The following NLE1 variants were observed in gnomAD, a reference collection of about 807,000 sequenced individuals.
NLE1 encodes notchless homolog 1.
NLE1 carries 37 observed loss-of-function variants against 62.8 expected under a neutral mutation model. The observed-to-expected ratio is 0.59, with a 90% CI of 0.45 to 0.78. The LOEUF (loss-of-function observed/expected upper bound fraction) is 0.78, where lower values mean the gene tolerates loss of function less well. Ranked by LOEUF, NLE1 falls within the 30% of genes least tolerant of loss-of-function variation. The pLI, the probability that NLE1 is intolerant of heterozygous loss-of-function variation, is 0.00. For missense variants in NLE1, 555 were observed against 637.9 expected, an observed-to-expected ratio of 0.87 and a Z score of 1.40; for synonymous variants, 243 against 253.0, an observed-to-expected ratio of 0.96 and a Z score of 0.37.
rs199557933 is a variant in NLE1, at chr17:35,135,363, C to T, written c.1100G>A (p.Arg367Gln). Residue 367 changes from arginine (R) to glutamine (Q), a missense_variant, in exon 10 of 13, where the codon CGG becomes CAG. Physicochemically the swap from Arg to Gln is conservative, Grantham distance 43. Coordinates refer to ENST00000442241, the MANE Select transcript of NLE1 (RefSeq NM_018096.5). The part of the protein sequence containing the change: ...SPAEDKKPLT[R>Q]MTGHQALINQ... ...GATGAGAGCTTGGTGTCCTGTCATC[C>T]GAGTGAGAGGCTTTTTGTCCTCTGC... 123 of 1,614,072 alleles carry T rather than the reference C, an allele frequency of 7.6e-5. No individual in the cohort carries two copies. The highest frequency in any genetic ancestry group is 1.6e-4 in the Middle Eastern group (1 of 6,084).
At position 35,137,601 on chromosome 17, in the gene NLE1, T is replaced by C; in HGVS notation, c.577A>G (p.Arg193Gly). 3 of 1,610,864 alleles carry C rather than the reference T, an allele frequency of 1.9e-6. No homozygotes were observed. The highest frequency in any genetic ancestry group is 2.5e-6 in the Non-Finnish European group (3 of 1,179,978). The change falls in exon 6 of 13, where the codon AGG becomes GGG. Residue 193 changes from arginine to glycine, a missense_variant. Physicochemically the swap from Arg to Gly is moderately radical, Grantham distance 125 (BLOSUM62 -2). Transcript: ENST00000442241. ...CACTTGCTGTGGCCAGCGAGGGTCC[T>C]GCCCACCTGCTTCCCTGTGCTTGGG... ...WDPSTGKQVG[R>G]TLAGHSKWIT...
Position 35,129,712 on chromosome 17 carries a change from G to A in NLE1, c.*2725C>T. The A allele has an allele frequency of 2.5e-6, 4 of 1,583,796 alleles. No individual in the cohort carries two copies. Among genetic ancestry groups the A allele is most frequent in the Non-Finnish European group, 3.4e-6 (4 of 1,165,594 alleles). ...GGGTGGAGAGAAGTCCAAAGCCAGGGAACCAGGGCTTTGGAGGTTGGGAAC... is the reference window on the plus strand; with the variant it reads ...GGGTGGAGAGAAGTCCAAAGCCAGGAAACCAGGGCTTTGGAGGTTGGGAAC... On this transcript the variant is annotated 3_prime_UTR_variant, in exon 13 of 13. Coordinates refer to ENST00000442241, the MANE Select transcript of NLE1 (RefSeq NM_018096.5).
chr17:35,135,340 T>C lies in NLE1; in HGVS notation c.1123A>G (p.Ile375Val). 5.0e-6 allele frequency: 8 copies of C among 1,614,214 alleles called. No homozygotes were observed. The highest frequency in any genetic ancestry group is 5.9e-6 in the Non-Finnish European group (7 of 1,180,044). The change falls in exon 10 of 13, where the codon ATC (isoleucine) becomes GTC (valine). Residue 375 changes from isoleucine to valine, a missense_variant. Physicochemically the swap from Ile to Val is conservative, Grantham distance 29. Coordinates refer to ENST00000442241, the MANE Select transcript of NLE1 (RefSeq NM_018096.5). ...TCAGGAGAGAAGAGCACCTGGTTGA[T>C]GAGAGCTTGGTGTCCTGTCATCCGA... ...LTRMTGHQAL[I>V]NQVLFSPDSR... is the part of the protein sequence containing the mutation.
intron 9 of NLE1, 64 bp downstream of exon 9, chr17:35,136,105 G>A (rs1045884365): frequency 7.2e-6 from 11 of 1,531,738 alleles, no homozygotes; most frequent in African/African-American, 1.4e-5. Context: ...GGTCTGAGAG[G>A]GTTTTAGTGA....
rs929574028 is a variant in NLE1 at position 35,132,137 on chromosome 17, CAT to C, written c.*298_*299del. ...ACAGAGCTGACACTAGGGGCCCACT[CAT>C]AGAGCCTGGCTGCCCACCACCCCTG... On this transcript the variant is annotated 3_prime_UTR_variant, in exon 13 of 13. Transcript: ENST00000442241. 4 of 291,616 alleles carry C rather than the reference CAT, an allele frequency of 1.4e-5. No individual in the cohort carries two copies. Among genetic ancestry groups the C allele is most frequent in the Non-Finnish European group, 1.9e-5 (3 of 158,254 alleles). 18.1% of individuals were successfully genotyped at this position (291,616 alleles called of 1,614,324 possible).
Position 35,130,114 on chromosome 17 carries a change from G to A in NLE1, c.*2323C>T, listed in dbSNP as rs952924914. 10 of 1,438,396 alleles carry A rather than the reference G, an allele frequency of 7.0e-6. No homozygotes were observed. Among genetic ancestry groups the A allele is most frequent in the Non-Finnish European group, 9.1e-7 (1 of 1,101,578 alleles). The allele number at this position is 1,438,396 out of a possible 1,614,324, so 89.1% of individuals were successfully genotyped here. On this transcript the variant is annotated 3_prime_UTR_variant, in exon 13 of 13. Transcript: ENST00000442241. ...AATATCCCATAATGAGGAGGTACAG[G>A]CTTGAGTCATGCATCTTTGCACCTG...
At chr17:35,132,540 G>T in intron 12 of NLE1, 91 bp from the exon 13 acceptor site, 1 of 1,139,144 alleles carries the variant, frequency 8.8e-7, no homozygotes, top group Non-Finnish European at 1.1e-6. Context: ...CGGACGGCCT[G>T]TGGTCCACCC....
rs2091866652 is a variant in NLE1, at chr17:35,129,995, A to G, written c.*2442T>C. 15 of 1,377,316 alleles carry G rather than the reference A, an allele frequency of 1.1e-5. No individual in the cohort carries two copies. In the Admixed American group the frequency reaches 1.2e-4, roughly 11 times the overall value. The allele number at this position is 1,377,316 out of a possible 1,614,324, so 85.3% of individuals were successfully genotyped here. A position where few individuals can be genotyped will look rare whatever the true frequency, so the allele number is the denominator to read the frequency against. On this transcript the variant is annotated 3_prime_UTR_variant, in exon 13 of 13. Transcript: ENST00000442241. Reference sequence around the variant, plus strand: ...GGCATTGAAAGAAATAGGGAAGACAAGAGGCTAAAGGGGGACGAAGAAGGG... The same window carrying G: ...GGCATTGAAAGAAATAGGGAAGACAGGAGGCTAAAGGGGGACGAAGAAGGG...
intron 9 of NLE1, among the ~76,000 whole-genome samples, chr17:35,135,737 A>G (rs1244837258): frequency 2.0e-5 from 3 of 152,246 alleles, no homozygotes; most frequent in Admixed American, 6.5e-5. Flanking sequence ...GATTTTATGT[A>G]TGTATGCATG....
At chr17:35,137,351 C>A (rs758032173) in intron 6 of NLE1, among the ~76,000 whole-genome samples, 158 bp from the exon 7 acceptor site, 4 of 152,148 alleles carry the variant, frequency 2.6e-5, no homozygotes, top group Admixed American at 6.5e-5. Context: ...ACCAGCAGAC[C>A]CTGTGATGAG....
Position 35,131,536 on chromosome 17 carries a change from T to C in NLE1, c.*901A>G, listed in dbSNP as rs1483660744. 13 of 152,216 alleles carry C rather than the reference T, an allele frequency of 8.5e-5. No individual in the cohort carries two copies. Among genetic ancestry groups the C allele is most frequent in the Non-Finnish European group, 1.8e-4 (12 of 68,030 alleles). 9.4% of individuals were successfully genotyped at this position (152,216 alleles called of 1,614,324 possible). On this transcript the variant is annotated 3_prime_UTR_variant, in exon 13 of 13. Coordinates refer to ENST00000442241, the MANE Select transcript of NLE1 (RefSeq NM_018096.5). ...CTTGAAAGTTCTCGTGGCAAAGAAC[T>C]TCCTCTGTATCAACAATACCCACTT...
In NLE1 at chr17:35,129,599, T is replaced by C; in HGVS notation, c.*2838A>G. 6.2e-7 allele frequency: 1 copy of C among 1,614,130 alleles called. No individual in the cohort carries two copies. Among genetic ancestry groups the C allele is most frequent in the Non-Finnish European group, 8.5e-7 (1 of 1,180,014 alleles). ...GGAGCTAAAGCCTAACACGTGTTAC[T>C]GCCTCAGTGTCCGTGCAGCCAACAC... On this transcript the variant is annotated 3_prime_UTR_variant, in exon 13 of 13. Coordinates refer to ENST00000442241, the MANE Select transcript of NLE1 (RefSeq NM_018096.5).
Position 35,129,664 on chromosome 17 carries a change from C to T in NLE1, c.*2773G>A. Reference sequence around the variant, plus strand: ...AGTGGTGCAAGCCCTACAAAGTGAGCCCTGGGAAAAGAGGGGCCTTGGGGG... The same window carrying T: ...AGTGGTGCAAGCCCTACAAAGTGAGTCCTGGGAAAAGAGGGGCCTTGGGGG... On this transcript the variant is annotated 3_prime_UTR_variant, in exon 13 of 13. Transcript: ENST00000442241. 1 of 1,612,724 alleles carries T rather than the reference C, an allele frequency of 6.2e-7. No homozygotes were observed.
chr17:35,136,972 A>C (rs1436809788), intron 7 of NLE1, 29 bp downstream of exon 7: 2 of 1,555,550 alleles, frequency 1.3e-6, no homozygotes, highest in Non-Finnish European at 1.7e-6. Context: ...GATTTTCTGG[A>C]CTGGTTTCTG....
chr17:35,141,696 G>T (rs916758310), intron 2 of NLE1, among the ~76,000 whole-genome samples: 28 of 152,214 alleles, frequency 1.8e-4, no homozygotes, highest in African/African-American at 6.8e-4. Flanking sequence ...TGTAAAATGG[G>T]GATATTAACG....
In NLE1 at chr17:35,129,788, A is replaced by G. The variant is rs1406192611; in HGVS notation, c.*2649T>C. The stretch of plus-strand genomic sequence containing the variant: ...GGCTAGCTTTCCTTCTGCCTGGGTC[A>G]AGAAGCATCAATTCCAGAATGCATG... On this transcript the variant is annotated 3_prime_UTR_variant, in exon 13 of 13. Coordinates refer to ENST00000442241, the MANE Select transcript of NLE1 (RefSeq NM_018096.5). The G allele has an allele frequency of 6.9e-7, 1 of 1,454,352 alleles. No individual in the cohort carries two copies. Among genetic ancestry groups the G allele is most frequent in the Admixed American group, 2.7e-5 (1 of 37,410 alleles). 90.1% of individuals were successfully genotyped at this position (1,454,352 alleles called of 1,614,324 possible).
Position 35,137,097 on chromosome 17 carries a change from C to T in NLE1, c.732G>A (p.Gly244=). The T allele has an allele frequency of 6.2e-7, 1 of 1,613,982 alleles. No homozygotes were observed. Among genetic ancestry groups the T allele is most frequent in the Non-Finnish European group, 8.5e-7 (1 of 1,179,972 alleles). The change falls in exon 7 of 13, where the codon GGG becomes GGA. Residue 244 remains glycine, a synonymous_variant. Transcript: ENST00000442241. Reference sequence around the variant, plus strand: ...GGAGACAGGTGACCGACTGGGTGTGCCCGGTGAGGATGCGCTCACAGCGGC... The same window carrying T: ...GGAGACAGGTGACCGACTGGGTGTGTCCGGTGAGGATGCGCTCACAGCGGC... ...TAGRCERILT[G]HTQSVTCLRW...
chr17:35,134,509 C>G (rs2091897141), intron 10 of NLE1, among the ~76,000 whole-genome samples: 1 of 152,004 alleles, frequency 6.6e-6, no homozygotes, highest in Admixed American at 6.5e-5. Flanking sequence ...AAATGATTCT[C>G]CTGCCTCAGC....
At chr17:35,141,879 G>T in intron 2 of NLE1, 100 bp downstream of exon 2, 2 of 1,364,026 alleles carry the variant, frequency 1.5e-6, no homozygotes. Context: ...ACCACAGTCC[G>T]TTAGCGGGGG....
Sources: gnomAD v4.1 joint callset for allele counts (sites outside exome capture counted in the v4.1 genomes callset) on GRCh38, gnomAD v4.1.1 for gene constraint, MANE v1.5 for transcripts, NCBI Gene and HGNC (gene_info 2026-07-23, HGNC 2026-07-21) for gene names.